Variants in PARG observed in about 807,000 individuals in gnomAD.
PARG encodes the protein mitochondrial poly(ADP-ribose) glycohydrolase.
A neutral mutation model predicts 113.0 loss-of-function variants in PARG; 35 were observed. The ratio of observed to expected loss-of-function variants is 0.31; its 90% CI spans 0.24 to 0.41. The LOEUF is 0.41. Ranked by LOEUF, PARG falls within the 10% of genes least tolerant of loss-of-function variation. The probability of loss-of-function intolerance (pLI) is 1.00; values close to 1 mark genes in which losing one functional copy is unlikely to be tolerated. For synonymous variants in PARG, 330 were observed against 409.9 expected (o/e 0.81, Z 2.36); for missense variants, 797 against 1,169.4 (o/e 0.68, Z 4.64).
chr10:49,869,393 A>G, intron 10 of PARG, 83 bp downstream of exon 10: 1 of 669,394 alleles, frequency 1.5e-6, no homozygotes, highest in South Asian at 1.7e-5. Flanking sequence ...TTTACGTTAA[A>G]CACAAAATGT....
At chr10:49,864,975 A>C (rs1226114286) in intron 11 of PARG, among the ~76,000 whole-genome samples, 15 of 151,264 alleles carry the variant, frequency 9.9e-5, no homozygotes, top group African/African-American at 3.4e-4. Flanking sequence ...TTCAAACACT[A>C]ACCAAAAAAA....
rs149428333 is a variant in PARG, at chr10:49,835,608, T to C, written c.2542-2700A>G. Among the ~76,000 whole-genome samples the C allele has an allele frequency of 5.3e-5, 8 of 151,820 alleles. No homozygotes were observed. The East Asian group carries it at 9.7e-4, about 18-fold the overall frequency. On this transcript the variant is annotated intron_variant, in intron 15 of 17. Coordinates refer to ENST00000616448, the MANE Select transcript of PARG (RefSeq NM_003631.5). ...AAACTAGAGACCAACCAGGACATGG[T>C]AATGATAAAGATGTAGGAAAGAAGG...
chr10:49,837,051 C>T (rs1392531070), intron 15 of PARG, among the ~76,000 whole-genome samples: 1 of 151,998 alleles, frequency 6.6e-6, no homozygotes, highest in Non-Finnish European at 1.5e-5. Flanking sequence ...AGAATGATAC[C>T]CAGCTGATCT....
intron 15 of PARG, among the ~76,000 whole-genome samples, chr10:49,836,410 G>GC (rs1289679311): frequency 7.3e-6 from 1 of 137,028 alleles, no homozygotes; most frequent in Non-Finnish European, 1.5e-5. Flanking sequence ...CGATTCTCCT[G>GC]CCTCGGCCTC....
intron 7 of PARG, among the ~76,000 whole-genome samples, chr10:49,898,186 A>T (rs1848186113): frequency 6.6e-6 from 1 of 152,270 alleles, no homozygotes; most frequent in Admixed American, 6.5e-5. Context: ...TAGTAAGGAT[A>T]ATTCTACTAT....
chr10:49,839,536 T>C (rs1329662434), intron 15 of PARG, among the ~76,000 whole-genome samples: 1 of 152,202 alleles, frequency 6.6e-6, no homozygotes, highest in East Asian at 1.9e-4. Flanking sequence ...TGTTCTTCCA[T>C]GTTGCCAATA....
rs1223035569 is a variant in PARG at position 49,851,030 on chromosome 10, T to C, written c.2353+6276A>G. ...GAATGACCATTGTGATAGCTCTCAC[T>C]AGGGATGGGCCTTTAAGACTTCATA... On this transcript the variant is annotated intron_variant, in intron 13 of 17. Coordinates refer to ENST00000616448, the MANE Select transcript of PARG (RefSeq NM_003631.5). Among the ~76,000 whole-genome samples, 25 of 152,342 alleles carry C rather than the reference T, an allele frequency of 1.6e-4. No individual in the cohort carries two copies. In the South Asian group the frequency reaches 5.2e-3, roughly 32 times the overall value.
chr10:49,916,295 A>T (rs1837468768), intron 6 of PARG, among the ~76,000 whole-genome samples: 1 of 151,890 alleles, frequency 6.6e-6, no homozygotes, highest in Non-Finnish European at 1.5e-5. Flanking sequence ...CTGGATCTTG[A>T]GGGGTAAAAA....
rs1846053571 is a variant in PARG, at chr10:49,857,533, C to T, written c.2206-80G>A. The stretch of plus-strand genomic sequence containing the variant: ...TCAAGAAGCACATAGTCTCTAAGCT[C>T]TCATCTTTTCCTCTCCCATGAAAAT... On this transcript the variant is annotated intron_variant, in intron 12 of 17. Coordinates refer to ENST00000616448, the MANE Select transcript of PARG (RefSeq NM_003631.5). The T allele has an allele frequency of 1.4e-5, 10 of 731,494 alleles. No individual in the cohort carries two copies. In the South Asian group the frequency reaches 1.9e-4, roughly 14 times the overall value. The allele number at this position is 731,494 out of a possible 1,614,324, so 45.3% of individuals were successfully genotyped here. A position where few individuals can be genotyped will look rare whatever the true frequency, so the allele number is the denominator to read the frequency against.
intron 16 of PARG, among the ~76,000 whole-genome samples, chr10:49,822,289 AG>A (rs1844137840): frequency 6.6e-6 from 1 of 152,088 alleles, no homozygotes; most frequent in African/African-American, 2.4e-5. Context: ...GTCTGCTAAA[AG>A]GGCCAAAAGG....
rs1838623075 is a variant in PARG at position 49,934,077 on chromosome 10, T to C, written c.371A>G (p.Glu124Gly). ...QKDNFYQHNVEKLENVSQLSL... is the reference protein window; with the variant it reads ...QKDNFYQHNVGKLENVSQLSL... Reference sequence around the variant, plus strand: ...TAGCTGAGAAACATTTTCTAATTTTTCTACATTATGTTGGTAAAAGTTATC... The same window carrying C: ...TAGCTGAGAAACATTTTCTAATTTTCCTACATTATGTTGGTAAAAGTTATC... The change falls in exon 3 of 18, where the codon GAA (glutamate) becomes GGA (glycine). Residue 124 changes from glutamate to glycine, a missense_variant. Glu to Gly is a moderately conservative substitution (Grantham distance 98, BLOSUM62 -2). This residue lies in a region of PARG where 284 missense variants were observed against 306.1 expected (regional missense o/e 0.93). Coordinates refer to ENST00000616448, the MANE Select transcript of PARG (RefSeq NM_003631.5). 6.6e-7 allele frequency: 1 copy of C among 1,523,278 alleles called. No individual in the cohort carries two copies. Among genetic ancestry groups the C allele is most frequent in the Non-Finnish European group, 9.1e-7 (1 of 1,096,912 alleles). The allele number at this position is 1,523,278 out of a possible 1,614,324, so 94.4% of individuals were successfully genotyped here.
chr10:49,927,748 T>A (rs1200082809), intron 4 of PARG, among the ~76,000 whole-genome samples: 14 of 151,718 alleles, frequency 9.2e-5, no homozygotes, highest in African/African-American at 3.4e-4. Flanking sequence ...GGCTGGAGGA[T>A]CACTTGAGGC....
chr10:49,904,503 TAGCAAATGA>T (rs1391763020), intron 7 of PARG, among the ~76,000 whole-genome samples: 8 of 152,012 alleles, frequency 5.3e-5, no homozygotes, highest in Non-Finnish European at 1.5e-5. Flanking sequence ...TCATCAATTG[TAGCAAATGA>T]ACCACTCTGG....
chr10:49,928,254 G>A (rs1289473230), intron 4 of PARG, among the ~76,000 whole-genome samples: 4 of 151,566 alleles, frequency 2.6e-5, no homozygotes, highest in African/African-American at 9.7e-5. Context: ...CTGGGTGACA[G>A]AGCAAGACTC....
intron 7 of PARG, among the ~76,000 whole-genome samples, chr10:49,912,890 C>A (rs1837278799): frequency 6.6e-6 from 1 of 152,148 alleles, no homozygotes; most frequent in South Asian, 2.1e-4. Context: ...AAGTATACAG[C>A]CCCGGAGGTT....
chr10:49,843,060 CTA>C (rs1341378474), intron 14 of PARG, among the ~76,000 whole-genome samples: 3 of 152,206 alleles, frequency 2.0e-5, no homozygotes, highest in African/African-American at 7.2e-5. Context: ...AAGTAGAAGA[CTA>C]TATTTCAAGA....
intron 7 of PARG, among the ~76,000 whole-genome samples, chr10:49,907,325 T>C (rs1250276141): frequency 6.6e-6 from 1 of 152,170 alleles, no homozygotes; most frequent in Non-Finnish European, 1.5e-5. Flanking sequence ...TACCTGTCAT[T>C]ATCATCACAA....
chr10:49,927,622 T>C (rs1164947133), intron 4 of PARG, among the ~76,000 whole-genome samples: 1 of 152,016 alleles, frequency 6.6e-6, no homozygotes, highest in Non-Finnish European at 1.5e-5. Context: ...TAGGATTATA[T>C]TGTGTCACGG....
intron 3 of PARG, 136 bp from the exon 4 acceptor site, chr10:49,932,419 A>T (rs1838537435): frequency 3.1e-6 from 2 of 635,826 alleles, no homozygotes; most frequent in Admixed American, 2.9e-5. Flanking sequence ...TATGTATTAT[A>T]TTTACAATCA....
Sources: allele counts gnomAD v4.1 joint callset (sites outside exome capture counted in the v4.1 genomes callset), GRCh38; gene constraint gnomAD v4.1.1; regional missense constraint gnomAD v4.1.1; transcripts MANE v1.5; gene names NCBI Gene and HGNC (gene_info 2026-07-23, HGNC 2026-07-21).